The following GTF2IRD2B variants were observed in gnomAD, a reference collection of about 807,000 sequenced individuals.
GTF2IRD2B encodes the protein general transcription factor II-I repeat domain-containing protein 2B.
GTF2IRD2B carries 10 observed loss-of-function variants against 55.6 expected under a neutral mutation model. That is an observed-to-expected ratio of 0.18 (90% CI 0.11 to 0.31). The LOEUF (loss-of-function observed/expected upper bound fraction) is 0.31. GTF2IRD2B is among the 10% of genes least tolerant of loss of function. The pLI, the probability that GTF2IRD2B is intolerant of heterozygous loss-of-function variation, is 1.00. For missense variants in GTF2IRD2B, 206 were observed against 802.7 expected (o/e 0.26, Z 8.98); for synonymous variants, 107 against 320.5 (o/e 0.33, Z 7.12).
intron 12 of GTF2IRD2B, among the ~76,000 whole-genome samples, chr7:75,140,828 G>A (rs1808999021): frequency 1.3e-5 from 2 of 150,026 alleles, no homozygotes; most frequent in Middle Eastern, 3.6e-3. Context: ...CACCGCGCCT[G>A]GCCCTAAACA....
Position 75,120,003 on chromosome 7 carries a change from C to G in GTF2IRD2B, c.239-888C>G, listed in dbSNP as rs375481760. Among the ~76,000 whole-genome samples, 1,271 of 127,306 alleles carry G rather than the reference C, an allele frequency of 1.0e-2. 29 individuals carry two copies. The highest frequency in any genetic ancestry group is 0.042 in the African/African-American group (1,056 of 25,432). 83.5% of individuals were successfully genotyped at this position (127,306 alleles called of 152,430 possible). On this transcript the variant is annotated intron_variant, in intron 3 of 15. Transcript: ENST00000472837. ...ACTTAGCCGGGCGTGGTGGCAGGCACCTGTAGTCCCAGCTACTCAGGAGGC... is the reference window on the plus strand; with the variant it reads ...ACTTAGCCGGGCGTGGTGGCAGGCAGCTGTAGTCCCAGCTACTCAGGAGGC...
At chr7:75,115,836 A>G (rs1808129040) in intron 3 of GTF2IRD2B, among the ~76,000 whole-genome samples, 1 of 151,502 alleles carries the variant, frequency 6.6e-6, no homozygotes, top group African/African-American at 2.4e-5. Context: ...TAGTACAGAT[A>G]TCTTAGCAAT....
rs1275207128 is a variant in GTF2IRD2B at position 75,112,678 on chromosome 7, A to G, written c.238+143A>G. ...TCTTCTTGGATTCAGCTTACCAAATAAATACTGCCTAACACTGCAGAGTCC... is the reference window on the plus strand; with the variant it reads ...TCTTCTTGGATTCAGCTTACCAAATGAATACTGCCTAACACTGCAGAGTCC... On this transcript the variant is annotated intron_variant, in intron 3 of 15. Transcript: ENST00000472837. 3 of 1,593,956 alleles carry G rather than the reference A, an allele frequency of 1.9e-6. No homozygotes were observed. The African/African-American group carries it at 4.2e-5, about 22-fold the overall frequency.
At chr7:75,143,821 A>AAAAC (rs1289974406) in intron 14 of GTF2IRD2B, 129 bp from the exon 15 acceptor site, 1 of 482,912 alleles carries the variant, frequency 2.1e-6, no homozygotes, top group East Asian at 3.2e-5. Context: ...AAACAAAAAC[A>AAAAC]AAACAAACAA....
In GTF2IRD2B at chr7:75,136,145, G is replaced by GATAATA. The variant is rs55650303; in HGVS notation, c.806-617_806-612dup. Among the ~76,000 whole-genome samples, 138 of 92,846 alleles carry GATAATA rather than the reference G, an allele frequency of 1.5e-3. 1 individual carries two copies. The highest frequency in any genetic ancestry group is 2.7e-3 in the African/African-American group (54 of 19,752). The allele number at this position is 92,846 out of a possible 152,430, so 60.9% of individuals were successfully genotyped here. ...GACAGAGTGAGACTGTCTCAATAAT[G>GATAATA]ATAATAATAATAATAATAATAATAA... is the stretch of plus-strand genomic sequence containing the variant. On this transcript the variant is annotated intron_variant, in intron 10 of 15. Transcript: ENST00000472837.
intron 1 of GTF2IRD2B, among the ~76,000 whole-genome samples, chr7:75,105,506 A>C (rs1807764807): frequency 6.6e-6 from 1 of 152,308 alleles, no homozygotes; most frequent in African/African-American, 2.4e-5. Context: ...TCCACCTCAA[A>C]AAACAAACAA....
At chr7:75,107,216 G>A (rs1454868455) in intron 1 of GTF2IRD2B, among the ~76,000 whole-genome samples, 2 of 151,638 alleles carry the variant, frequency 1.3e-5, no homozygotes, top group African/African-American at 4.8e-5. Context: ...TTTGTTTTAC[G>A]GGGAGGCCAT....
chr7:75,115,275 G>T, intron 3 of GTF2IRD2B, among the ~76,000 whole-genome samples: 1 of 150,138 alleles, frequency 6.7e-6, no homozygotes, highest in Middle Eastern at 3.4e-3. Flanking sequence ...ACTCTATTCC[G>T]TAGATCTATT....
rs1452142433 is a variant in GTF2IRD2B, at chr7:75,119,969, A to T, written c.239-922A>T. On this transcript the variant is annotated intron_variant, in intron 3 of 15. Transcript: ENST00000472837. Reference sequence around the variant, plus strand: ...TGGTGAAACCCCATCTCTACTAAAAAATACAAAAACTTAGCCGGGCGTGGT... The same window carrying T: ...TGGTGAAACCCCATCTCTACTAAAATATACAAAAACTTAGCCGGGCGTGGT... Among the ~76,000 whole-genome samples the T allele has an allele frequency of 3.8e-4, 49 of 129,480 alleles. 15 individuals are homozygous for T. Among genetic ancestry groups the T allele is most frequent in the African/African-American group, 1.7e-3 (48 of 28,246 alleles). The allele number at this position is 129,480 out of a possible 152,430, so 84.9% of individuals were successfully genotyped here. A position where few individuals can be genotyped will look rare whatever the true frequency, so the allele number is the denominator to read the frequency against.
Position 75,123,201 on chromosome 7 carries a change from G to C in GTF2IRD2B, c.424G>C (p.Ala142Pro). 1 of 1,532,700 alleles carries C rather than the reference G, an allele frequency of 6.5e-7. No individual in the cohort carries two copies. Among genetic ancestry groups the C allele is most frequent in the Non-Finnish European group, 8.8e-7 (1 of 1,140,294 alleles). 94.9% of individuals were successfully genotyped at this position (1,532,700 alleles called of 1,614,324 possible). The change falls in exon 5 of 16, where the codon GCT (alanine) becomes CCT (proline). Residue 142 changes from alanine (A) to proline (P), a missense_variant. Coordinates refer to ENST00000472837, the MANE Select transcript of GTF2IRD2B (RefSeq NM_001003795.3). The stretch of plus-strand genomic sequence containing the variant: ...TGAGAAGATGCTGCGAGACCAGTCG[G>C]CTGTGGTAGTGCAGGGGCTTCCGGA... Reference protein sequence around the residue: ...PYEKMLRDQSAVVVQGLPEGV... With the variant: ...PYEKMLRDQSPVVVQGLPEGV...
chr7:75,115,905 ATTTCT>A (rs1219436717), intron 3 of GTF2IRD2B, among the ~76,000 whole-genome samples: 9 of 136,614 alleles, frequency 6.6e-5, no homozygotes, highest in East Asian at 6.2e-4. Flanking sequence ...GTCTTCTTTA[ATTTCT>A]TTTCTTTCTT....
chr7:75,112,314 G>T, intron 2 of GTF2IRD2B, 83 bp from the exon 3 acceptor site: 1 of 320,800 alleles, frequency 3.1e-6, no homozygotes, highest in Non-Finnish European at 5.2e-6. Context: ...ACCTAATTTT[G>T]TATTCTTAAA....
chr7:75,149,593 G>T lies in GTF2IRD2B; in HGVS notation c.*296G>T, dbSNP rs1336852123. 3 of 368,928 alleles carry T rather than the reference G, an allele frequency of 8.1e-6. No individual in the cohort carries two copies. Among genetic ancestry groups the T allele is most frequent in the East Asian group, 1.3e-4 (2 of 15,324 alleles). 22.9% of individuals were successfully genotyped at this position (368,928 alleles called of 1,614,324 possible). ...AGGTTTCACCATGTTGGCCAGGCTG[G>T]TCTCCAACTCCTGACCTCAGGTGAT... On this transcript the variant is annotated 3_prime_UTR_variant, in exon 16 of 16. Coordinates refer to ENST00000472837, the MANE Select transcript of GTF2IRD2B (RefSeq NM_001003795.3).
chr7:75,120,792 C>G (rs1397460226), intron 3 of GTF2IRD2B, 99 bp from the exon 4 acceptor site: 106 of 1,554,388 alleles, frequency 6.8e-5, no homozygotes, highest in Middle Eastern at 2.3e-4. Context: ...TATATTTATT[C>G]ACTTTTTTCC....
intron 11 of GTF2IRD2B, among the ~76,000 whole-genome samples, chr7:75,138,499 TA>T (rs587692817): frequency 1.4e-4 from 21 of 144,862 alleles, no homozygotes; most frequent in Admixed American, 3.5e-4. Context: ...CCGTCTCTAC[TA>T]AAAAAAAAAT....
chr7:75,104,587 C>T (rs1236544959), intron 1 of GTF2IRD2B, among the ~76,000 whole-genome samples: 17 of 152,302 alleles, frequency 1.1e-4, no homozygotes, highest in East Asian at 5.8e-4. Flanking sequence ...TTTTCTCTCC[C>T]GGGGATGCTA....
At chr7:75,103,656 G>T (rs1807656657) in intron 1 of GTF2IRD2B, among the ~76,000 whole-genome samples, 1 of 151,744 alleles carries the variant, frequency 6.6e-6, no homozygotes, top group Non-Finnish European at 1.5e-5. Flanking sequence ...AGAGCAGGAA[G>T]CACAGAGAAG....
intron 3 of GTF2IRD2B, among the ~76,000 whole-genome samples, chr7:75,115,405 G>A (rs1294956488): frequency 2.7e-5 from 4 of 150,344 alleles, no homozygotes; most frequent in Admixed American, 6.7e-5. Context: ...GAGTCCCTTG[G>A]TGTTCCATAT....
intron 1 of GTF2IRD2B, among the ~76,000 whole-genome samples, chr7:75,093,101 G>C (rs1406428438): frequency 2.5e-5 from 1 of 40,426 alleles, no homozygotes; most frequent in Non-Finnish European, 9.4e-5. Context: ...CTCGCGCTGC[G>C]TGCAGACGCG....
Sources: allele counts gnomAD v4.1 joint callset (sites outside exome capture counted in the v4.1 genomes callset), GRCh38; gene constraint gnomAD v4.1.1; transcripts MANE v1.5; gene names NCBI Gene and HGNC (gene_info 2026-07-23, HGNC 2026-07-21).